The following LRRC49 variants were observed in gnomAD, a reference collection of about 807,000 sequenced individuals.
LRRC49 encodes the protein leucine rich repeat containing 49.
A neutral mutation model predicts 83.3 loss-of-function variants in LRRC49; 50 were observed. That is an observed-to-expected ratio of 0.60 (90% CI 0.48 to 0.76). The LOEUF (loss-of-function observed/expected upper bound fraction) is 0.76, where lower values mean the gene tolerates loss of function less well. Ranked by LOEUF, LRRC49 falls within the 30% of genes least tolerant of loss-of-function variation. The pLI, the probability that LRRC49 is intolerant of heterozygous loss-of-function variation, is 0.00. For missense variants in LRRC49, 704 were observed against 809.1 expected (o/e 0.87, Z 1.58); for synonymous variants, 286 against 283.3 (o/e 1.01, Z -0.10).
chr15:70,969,829 T>C (rs368166101), intron 9 of LRRC49, among the ~76,000 whole-genome samples: 9 of 152,234 alleles, frequency 5.9e-5, no homozygotes, highest in African/African-American at 2.2e-4. Context: ...ATTGATTTTG[T>C]ATCCTGAGAC....
intron 9 of LRRC49, among the ~76,000 whole-genome samples, chr15:70,969,745 T>G (rs1184746827): frequency 6.6e-6 from 1 of 152,126 alleles, no homozygotes; most frequent in East Asian, 1.9e-4. Flanking sequence ...TTGTAGCAAT[T>G]GTGAATGGGA....
At chr15:70,866,262 T>G (rs1156589184) in intron 1 of LRRC49, among the ~76,000 whole-genome samples, 1 of 152,118 alleles carries the variant, frequency 6.6e-6, no homozygotes, top group Non-Finnish European at 1.5e-5. Flanking sequence ...TTCTCCTGCC[T>G]CAGCCTCCTA....
At chr15:70,865,425 T>G (rs555937906) in intron 1 of LRRC49, among the ~76,000 whole-genome samples, 2 of 152,270 alleles carry the variant, frequency 1.3e-5, no homozygotes, top group East Asian at 3.9e-4. Context: ...CTGTTGATAG[T>G]TCCGTAAAAT....
At chr15:70,855,339 AAAAAAAAAAGAAAAAG>A (rs1395471352) in intron 1 of LRRC49, among the ~76,000 whole-genome samples, 5 of 148,770 alleles carry the variant, frequency 3.4e-5, no homozygotes, top group South Asian at 2.1e-4. Context: ...CGTCTCAAAA[AAAAAAAAAAGAAAAAG>A]AAAAAAAAAG....
At chr15:70,915,203 G>T (rs2034716667) in intron 6 of LRRC49, among the ~76,000 whole-genome samples, 2 of 152,160 alleles carry the variant, frequency 1.3e-5, no homozygotes, top group Non-Finnish European at 1.5e-5. Flanking sequence ...GGCCTGTTGG[G>T]TTGCAAACCA....
chr15:70,897,310 A>G (rs1211231787), intron 3 of LRRC49, among the ~76,000 whole-genome samples: 4 of 152,220 alleles, frequency 2.6e-5, no homozygotes, highest in African/African-American at 4.8e-5. Flanking sequence ...AGTTTTATAC[A>G]TAAGTAATGA....
chr15:70,962,463 C>A (rs1413767964), intron 8 of LRRC49, among the ~76,000 whole-genome samples: 4 of 152,010 alleles, frequency 2.6e-5, no homozygotes, highest in Admixed American at 1.3e-4. Context: ...TACACTTAGC[C>A]CCCAGATCTT....
rs1359350078 is a variant in LRRC49 at position 71,050,610 on chromosome 15, G to A, written c.*998G>A. On this transcript the variant is annotated 3_prime_UTR_variant, in exon 16 of 16. Coordinates refer to ENST00000260382, the MANE Select transcript of LRRC49 (RefSeq NM_017691.5). ...ATTTTACCTAGCAGCTATTATGTCA[G>A]CAGGACCACCAGGATATGGGAAAAC... is the stretch of plus-strand genomic sequence containing the variant. 5 of 152,118 alleles carry A rather than the reference G, an allele frequency of 3.3e-5. No homozygotes were observed. The highest frequency in any genetic ancestry group is 6.5e-5 in the Admixed American group (1 of 15,270). 9.4% of individuals were successfully genotyped at this position (152,118 alleles called of 1,614,324 possible). A position where few individuals can be genotyped will look rare whatever the true frequency, so the allele number is the denominator to read the frequency against.
At chr15:70,882,630 CT>C in intron 2 of LRRC49, 1 of 1,613,910 alleles carries the variant, frequency 6.2e-7, no homozygotes, top group Non-Finnish European at 8.5e-7. Flanking sequence ...TTTCCAAACG[CT>C]TTCACTTTGG....
intron 11 of LRRC49, among the ~76,000 whole-genome samples, chr15:70,997,864 T>G (rs1195902171): frequency 6.6e-6 from 1 of 152,242 alleles, no homozygotes; most frequent in Non-Finnish European, 1.5e-5. Flanking sequence ...GCTTTCTATC[T>G]GTTGTATATC....
intron 2 of LRRC49, among the ~76,000 whole-genome samples, chr15:70,884,770 T>TA (rs913849547): frequency 3.7e-4 from 57 of 152,234 alleles, no homozygotes; most frequent in African/African-American, 5.1e-4. Context: ...TAATCAGGGT[T>TA]AAAAAAATAA....
At chr15:71,048,446 T>C (rs1018747184) in intron 15 of LRRC49, among the ~76,000 whole-genome samples, 6 of 152,168 alleles carry the variant, frequency 3.9e-5, no homozygotes, top group African/African-American at 1.4e-4. Context: ...TATTTTGGTG[T>C]TTTGACTTGA....
At position 70,980,075 on chromosome 15, in the gene LRRC49, A is replaced by G. The variant is rs776391627; in HGVS notation, c.922-26A>G. ...ATTAAAAAATGGTTAAACTCTTCAT[A>G]ATACTTTTCGGAAAATGTCTTTTAG... is the stretch of plus-strand genomic sequence containing the variant. On this transcript the variant is annotated intron_variant, in intron 9 of 15. Transcript: ENST00000260382. 2.7e-6 allele frequency: 4 copies of G among 1,501,352 alleles called. No homozygotes were observed. In the African/African-American group the frequency reaches 5.6e-5, roughly 21 times the overall value. 93.0% of individuals were successfully genotyped at this position (1,501,352 alleles called of 1,614,324 possible).
intron 8 of LRRC49, among the ~76,000 whole-genome samples, chr15:70,939,133 A>G (rs2035709367): frequency 6.6e-6 from 1 of 152,202 alleles, no homozygotes; most frequent in African/African-American, 2.4e-5. Context: ...TCTGTGAGAT[A>G]TAGCTTCTTA....
At chr15:71,015,519 C>G (rs901399433) in intron 14 of LRRC49, among the ~76,000 whole-genome samples, 111 of 152,166 alleles carry the variant, frequency 7.3e-4, no homozygotes, top group Admixed American at 7.1e-3. Flanking sequence ...GTAATGCTTG[C>G]CCGCAGTTCA....
At chr15:70,946,459 TA>T (rs1283065483) in intron 8 of LRRC49, among the ~76,000 whole-genome samples, 1 of 152,172 alleles carries the variant, frequency 6.6e-6, no homozygotes, top group African/African-American at 2.4e-5. Context: ...CCACTGTGCA[TA>T]TATATACCAC....
chr15:70,854,150 C>T, intron 1 of LRRC49: 1 of 1,167,050 alleles, frequency 8.6e-7, no homozygotes, highest in Non-Finnish European at 1.1e-6. Context: ...AGCCGGTCGG[C>T]AGCGACTGCG....
intron 15 of LRRC49, among the ~76,000 whole-genome samples, chr15:71,047,554 A>G (rs1306421392): frequency 6.6e-6 from 1 of 152,164 alleles, no homozygotes; most frequent in African/African-American, 2.4e-5. Context: ...TTTTACTAAA[A>G]TTGTTTCAAT....
At chr15:70,900,371 A>G in intron 3 of LRRC49, 1 of 424,136 alleles carries the variant, frequency 2.4e-6, no homozygotes, top group Non-Finnish European at 4.7e-6. Flanking sequence ...ACTTACAAAG[A>G]AAGAGATGAT....
Sources: allele counts gnomAD v4.1 joint callset (sites outside exome capture counted in the v4.1 genomes callset), GRCh38; gene constraint gnomAD v4.1.1; transcripts MANE v1.5; gene names NCBI Gene and HGNC (gene_info 2026-07-23, HGNC 2026-07-21).